Variants in KIAA1328 observed in about 807,000 individuals in gnomAD.
The protein encoded by KIAA1328 is KIAA1328, also known as protein hinderin.
A neutral mutation model predicts 68.1 loss-of-function variants in KIAA1328; 52 were observed. The observed-to-expected ratio is 0.76, with a 90% CI of 0.61 to 0.96. KIAA1328 has a LOEUF of 0.96. Ranked by LOEUF, KIAA1328 falls within the 40% of genes least tolerant of loss-of-function variation. KIAA1328 has a pLI of 0.00. For missense variants in KIAA1328, 641 were observed against 677.6 expected (o/e 0.95, Z 0.60); for synonymous variants, 232 against 239.4 (o/e 0.97, Z 0.28).
At chr18:37,049,513 A>G (rs1318772832) in intron 6 of KIAA1328, among the ~76,000 whole-genome samples, 2 of 152,172 alleles carry the variant, frequency 1.3e-5, no homozygotes, top group Non-Finnish European at 2.9e-5. Flanking sequence ...GATTTGTCAC[A>G]ATGTTAGTTA....
In KIAA1328 at chr18:36,844,253, T is replaced by G; in HGVS notation, c.283T>G (p.Cys95Gly). ...AAAGAGTGCATCATTGAAGGATTTATGTCTTGAAGACAAAAGACGCATTGC... is the reference window on the plus strand; with the variant it reads ...AAAGAGTGCATCATTGAAGGATTTAGGTCTTGAAGACAAAAGACGCATTGC... ...EIKSASLKDL[C>G]LEDKRRIANL... The change falls in exon 4 of 10, where the codon TGT becomes GGT. Residue 95 changes from cysteine (C) to glycine (G), a missense_variant. By Grantham distance (159) the Cys-to-Gly change is radical. Transcript: ENST00000280020. 2 of 1,607,706 alleles carry G rather than the reference T, an allele frequency of 1.2e-6. No individual in the cohort carries two copies. The highest frequency in any genetic ancestry group is 3.4e-5 in the Admixed American group (2 of 59,264).
At chr18:37,085,270 C>T (rs935746340) in intron 7 of KIAA1328, among the ~76,000 whole-genome samples, 4 of 152,086 alleles carry the variant, frequency 2.6e-5, no homozygotes, top group African/African-American at 7.2e-5. Flanking sequence ...CTGATGTTAG[C>T]GTCTGAGGCA....
At chr18:37,229,690 C>T (rs746264131), downstream of KIAA1328, 30 of 419,926 alleles carry the variant, frequency 7.1e-5, no homozygotes, top group South Asian at 5.2e-4. Context: ...CTGGCTAACA[C>T]GGTGAAACCC....
chr18:37,038,477 A>G (rs542904526), intron 6 of KIAA1328, among the ~76,000 whole-genome samples: 6 of 152,240 alleles, frequency 3.9e-5, no homozygotes, highest in East Asian at 3.9e-4. Flanking sequence ...TATAATTAGT[A>G]TATTAAAATA....
downstream of KIAA1328, chr18:37,231,234 T>C (rs910551699): frequency 6.6e-6 from 1 of 152,266 alleles, no homozygotes; most frequent in African/African-American, 2.4e-5. Flanking sequence ...AAAGAAAACA[T>C]ATATTCACTT....
chr18:36,969,896 C>G (rs2052109170), intron 6 of KIAA1328, among the ~76,000 whole-genome samples: 2 of 152,112 alleles, frequency 1.3e-5, no homozygotes, highest in Admixed American at 1.3e-4. Flanking sequence ...GAGCTGGTAC[C>G]ATTCCTTCTC....
At chr18:36,919,397 TAC>T (rs1476720524) in intron 5 of KIAA1328, among the ~76,000 whole-genome samples, 1 of 152,186 alleles carries the variant, frequency 6.6e-6, no homozygotes, top group Non-Finnish European at 1.5e-5. Flanking sequence ...TGCTTTTTTA[TAC>T]AGTCTAACAA....
intron 4 of KIAA1328, among the ~76,000 whole-genome samples, chr18:36,855,734 G>A (rs1229245489): frequency 6.6e-6 from 1 of 151,024 alleles, no homozygotes; most frequent in Non-Finnish European, 1.5e-5. Flanking sequence ...AAAATCCAAG[G>A]TCATGAAGAT....
chr18:37,124,827 A>G (rs966421799), intron 7 of KIAA1328, among the ~76,000 whole-genome samples: 1 of 152,156 alleles, frequency 6.6e-6, no homozygotes, highest in African/African-American at 2.4e-5. Context: ...GGAATGATCT[A>G]TCCCTACATT....
rs1243383004 is a variant in KIAA1328 at position 36,829,158 on chromosome 18, C to T, written c.20C>T (p.Pro7Leu). 5 of 1,533,436 alleles carry T rather than the reference C, an allele frequency of 3.3e-6. No individual in the cohort carries two copies. Among genetic ancestry groups the T allele is most frequent in the South Asian group, 2.4e-5 (2 of 82,522 alleles). The allele number at this position is 1,533,436 out of a possible 1,614,324, so 95.0% of individuals were successfully genotyped here. Residue 7 changes from proline (P) to leucine (L), a missense_variant, in exon 1 of 10, where the codon CCC becomes CTC. Physicochemically the swap from Pro to Leu is moderately conservative, Grantham distance 98 (BLOSUM62 -3). Coordinates refer to ENST00000280020, the MANE Select transcript of KIAA1328 (RefSeq NM_020776.3). Reference sequence around the variant, plus strand: ...TTCAAGATGGCGGACGTGGCGGGCCCCTCCCGCCCCAGTGCCGCGGCGTTC... The same window carrying T: ...TTCAAGATGGCGGACGTGGCGGGCCTCTCCCGCCCCAGTGCCGCGGCGTTC... MADVAG[P>L]SRPSAAAFWS...
chr18:37,038,508 T>G (rs559726495), intron 6 of KIAA1328, among the ~76,000 whole-genome samples: 1 of 152,262 alleles, frequency 6.6e-6, no homozygotes, highest in Non-Finnish European at 1.5e-5. Context: ...TTGTGTAAGA[T>G]TGCTTATAGT....
At chr18:37,095,732 G>T (rs890749794) in intron 7 of KIAA1328, among the ~76,000 whole-genome samples, 2 of 142,320 alleles carry the variant, frequency 1.4e-5, no homozygotes, top group African/African-American at 3.0e-5. Context: ...TTGGAAAGAT[G>T]AAGTTGATAA....
intron 6 of KIAA1328, among the ~76,000 whole-genome samples, chr18:36,959,979 C>A (rs1369166928): frequency 6.6e-6 from 1 of 152,160 alleles, no homozygotes; most frequent in African/African-American, 2.4e-5. Context: ...TAAATGAATG[C>A]TCAGAACCCT....
At chr18:37,004,286 G>T (rs992493501) in intron 6 of KIAA1328, among the ~76,000 whole-genome samples, 2 of 151,866 alleles carry the variant, frequency 1.3e-5, no homozygotes, top group African/African-American at 4.8e-5. Context: ...AATTTTCCTT[G>T]TAGGGGTCTT....
intron 9 of KIAA1328, among the ~76,000 whole-genome samples, chr18:37,177,127 C>A (rs1200365790): frequency 6.6e-6 from 1 of 152,122 alleles, no homozygotes; most frequent in Non-Finnish European, 1.5e-5. Context: ...ATCTTCAGGT[C>A]TTTTATTTCA....
intron 4 of KIAA1328, among the ~76,000 whole-genome samples, chr18:36,879,473 G>A (rs2048256640): frequency 6.6e-6 from 1 of 150,932 alleles, no homozygotes; most frequent in South Asian, 2.1e-4. Context: ...CTGCTGGGAG[G>A]TGTCTCTCAG....
chr18:37,197,786 T>C lies in KIAA1328; in HGVS notation c.1524-24231T>C, dbSNP rs374684566. Among the ~76,000 whole-genome samples the C allele has an allele frequency of 1.2e-4, 19 of 152,256 alleles. No homozygotes were observed. The East Asian group carries it at 2.1e-3, about 17-fold the overall frequency. ...GGTACTGCCACTTTGGAAAACACTC[T>C]GGAAGCTCCTTAAAAGGCTAAACAT... On this transcript the variant is annotated intron_variant, in intron 9 of 9. Coordinates refer to ENST00000280020, the MANE Select transcript of KIAA1328 (RefSeq NM_020776.3).
chr18:36,888,689 A>G (rs987541284), intron 5 of KIAA1328, among the ~76,000 whole-genome samples: 21 of 152,226 alleles, frequency 1.4e-4, no homozygotes, highest in Non-Finnish European at 3.1e-4. Context: ...CTCAGGTGCA[A>G]ATCTCCTTTA....
chr18:37,148,333 T>G (rs552630884), intron 7 of KIAA1328, among the ~76,000 whole-genome samples: 2 of 152,226 alleles, frequency 1.3e-5, no homozygotes, highest in Non-Finnish European at 2.9e-5. Flanking sequence ...CTGCATAGTA[T>G]TCCATGGTGT....
Sources: allele counts gnomAD v4.1 joint callset (sites outside exome capture counted in the v4.1 genomes callset), GRCh38; gene constraint gnomAD v4.1.1; transcripts MANE v1.5; gene names NCBI Gene and HGNC (gene_info 2026-07-23, HGNC 2026-07-21).